Variants in PRDM2 observed in about 807,000 individuals in gnomAD.
PRDM2 encodes the protein PR/SET domain 2.
In PRDM2, 30 loss-of-function variants were observed where a neutral mutation model predicts 130.0. The observed-to-expected ratio is 0.23, with a 90% confidence interval of 0.17 to 0.31. PRDM2 has a LOEUF of 0.31. Among genes scored for constraint, PRDM2 ranks in the 10% least tolerant of loss-of-function variants. The pLI is 1.00. For synonymous variants in PRDM2, 871 were observed against 782.4 expected (o/e 1.11, Z -1.89); for missense variants, 2,011 against 2,108.4 (o/e 0.95, Z 0.90).
chr1:13,734,391 A>G (rs1161133549), intron 4 of PRDM2, among the ~76,000 whole-genome samples: 1 of 152,254 alleles, frequency 6.6e-6, no homozygotes, highest in Non-Finnish European at 1.5e-5. Context: ...TCAAGGAACC[A>G]GAAACTGCTT....
At chr1:13,704,129 TAAATA>T (rs1365706761) in intron 1 of PRDM2, among the ~76,000 whole-genome samples, 10 of 152,244 alleles carry the variant, frequency 6.6e-5, no homozygotes, top group Admixed American at 3.3e-4. Context: ...AATGTATTGA[TAAATA>T]AAACGTGAAA....
At position 13,777,252 on chromosome 1, in the gene PRDM2, C is replaced by T. The variant is rs1435061336; in HGVS notation, c.623-1166C>T. Among the ~76,000 whole-genome samples the T allele has an allele frequency of 2.6e-5, 4 of 152,124 alleles. No homozygotes were observed. In the East Asian group the frequency reaches 7.7e-4, roughly 29 times the overall value. On this transcript the variant is annotated intron_variant, in intron 7 of 9. Transcript: ENST00000311066. Reference sequence around the variant, plus strand: ...CACTTGTAGTCCCGCCCTGCTGCCACCCCTGTGCCACCATCCTGCCTCTCC... The same window carrying T: ...CACTTGTAGTCCCGCCCTGCTGCCATCCCTGTGCCACCATCCTGCCTCTCC...
intron 4 of PRDM2, among the ~76,000 whole-genome samples, chr1:13,739,136 T>G (rs1325920462): frequency 6.6e-6 from 1 of 151,918 alleles, no homozygotes; most frequent in East Asian, 1.9e-4. Flanking sequence ...AAGCTCTGCC[T>G]CCCGTGTTCA....
At chr1:13,808,414 A>C (rs545629201) in intron 8 of PRDM2, among the ~76,000 whole-genome samples, 1 of 148,640 alleles carries the variant, frequency 6.7e-6, no homozygotes, top group African/African-American at 2.5e-5. Flanking sequence ...CAGTGAGTGG[A>C]GATCGCACCA....
intron 8 of PRDM2, among the ~76,000 whole-genome samples, chr1:13,794,161 T>C (rs1390460007): frequency 6.6e-6 from 1 of 152,192 alleles, no homozygotes; most frequent in African/African-American, 2.4e-5. Flanking sequence ...TCTACTGTTT[T>C]CATGACAGGC....
intron 8 of PRDM2, among the ~76,000 whole-genome samples, chr1:13,808,026 C>T (rs1645111591): frequency 6.6e-6 from 1 of 152,146 alleles, no homozygotes. Context: ...AGAAATTTCC[C>T]TCCTAGAGTA....
Position 13,780,551 on chromosome 1 carries a change from T to TA in PRDM2, c.2757dup (p.Glu920ArgfsTer7). 1 of 1,614,156 alleles carries TA rather than the reference T, an allele frequency of 6.2e-7. No individual in the cohort carries two copies. The highest frequency in any genetic ancestry group is 8.5e-7 in the Non-Finnish European group (1 of 1,180,036). On this transcript the variant is annotated frameshift_variant, in exon 8 of 10. Transcript: ENST00000311066. LOFTEE classifies it high-confidence loss of function. ...AGGAGCCCAAGTCCTTGTAAATCCC[T>TA]AGAAGCTCAGCCAGATCCTGACCTC...
intron 9 of PRDM2, among the ~76,000 whole-genome samples, chr1:13,819,701 G>T (rs12081516): frequency 0.027 from 4,170 of 152,268 alleles, 189 homozygotes; most frequent in African/African-American, 0.094. Context: ...ACCAGATCAG[G>T]GTGCCACCAT....
At chr1:13,702,677 A>G (rs1417482504) in intron 1 of PRDM2, among the ~76,000 whole-genome samples, 1 of 152,176 alleles carries the variant, frequency 6.6e-6, no homozygotes, top group Non-Finnish European at 1.5e-5. Flanking sequence ...TTTCTTTTCA[A>G]GTTCCAAACC....
At chr1:13,724,526 C>T (rs1483718480) in intron 2 of PRDM2, among the ~76,000 whole-genome samples, 3 of 143,524 alleles carry the variant, frequency 2.1e-5, no homozygotes, top group Non-Finnish European at 3.0e-5. Flanking sequence ...GAGACAGGCT[C>T]ACTCTGTCCC....
intron 5 of PRDM2, among the ~76,000 whole-genome samples, chr1:13,746,710 C>T (rs1231812501): frequency 6.6e-6 from 1 of 152,120 alleles, no homozygotes; most frequent in Non-Finnish European, 1.5e-5. Context: ...GCACACACCA[C>T]CATGCCTTGC....
At chr1:13,710,113 T>C (rs1642323501) in intron 1 of PRDM2, among the ~76,000 whole-genome samples, 1 of 152,236 alleles carries the variant, frequency 6.6e-6, no homozygotes, top group African/African-American at 2.4e-5. Context: ...TTTTTACAAG[T>C]CCGTAAAGGG....
At chr1:13,716,437 A>G (rs1377876616) in intron 2 of PRDM2, among the ~76,000 whole-genome samples, 1 of 152,110 alleles carries the variant, frequency 6.6e-6, no homozygotes, top group African/African-American at 2.4e-5. Context: ...GTACCCTAAA[A>G]CTTAAAGTAT....
At chr1:13,802,295 G>C (rs548655717) in intron 8 of PRDM2, among the ~76,000 whole-genome samples, 6 of 152,252 alleles carry the variant, frequency 3.9e-5, no homozygotes, top group African/African-American at 1.4e-4. Flanking sequence ...TGTCAGCCAG[G>C]CACACCCAGG....
At chr1:13,776,848 C>T (rs943677658) in intron 7 of PRDM2, among the ~76,000 whole-genome samples, 1 of 152,156 alleles carries the variant, frequency 6.6e-6, no homozygotes. Flanking sequence ...ACACAATCCT[C>T]TCATCCCTCT....
intron 7 of PRDM2, among the ~76,000 whole-genome samples, chr1:13,775,888 G>A (rs1390918345): frequency 6.6e-6 from 1 of 152,088 alleles, no homozygotes; most frequent in Non-Finnish European, 1.5e-5. Context: ...CCCTGCAGCC[G>A]AATCTCCCAG....
intron 9 of PRDM2, among the ~76,000 whole-genome samples, chr1:13,818,425 C>G (rs1196142706): frequency 6.9e-6 from 1 of 145,702 alleles, no homozygotes; most frequent in Non-Finnish European, 1.5e-5. Flanking sequence ...TGTCGCCAGG[C>G]TGGAGTGCAG....
Position 13,779,596 on chromosome 1 carries a change from C to T in PRDM2, c.1801C>T (p.Leu601=). 8.7e-6 allele frequency: 14 copies of T among 1,614,032 alleles called. No homozygotes were observed. Among genetic ancestry groups the T allele is most frequent in the Non-Finnish European group, 1.2e-5 (14 of 1,179,950 alleles). The change falls in exon 8 of 10, where the codon CTG becomes TTG. Residue 601 remains leucine (L), a synonymous_variant. Coordinates refer to ENST00000311066, the MANE Select transcript of PRDM2 (RefSeq NM_001393986.1). The surrounding 1 kb of genome is among the most constrained non-coding windows in gnomAD (Gnocchi z 4.9). ...GGCAGATTTGTATGGTATAAATTGT[C>T]TGCTCACTCCAGTTACAGTGGAAAT... ...ASADLYGINC[L]LTPVTVEITQ... is the part of the protein sequence containing the mutation.
chr1:13,779,198 T>G lies in PRDM2; in HGVS notation c.1403T>G (p.Ile468Arg). ...TCAGAGAAGGCTTCCCAAGACACAATAAATTCTTCTGTCGTAGAAGAGAAT... is the reference window on the plus strand; with the variant it reads ...TCAGAGAAGGCTTCCCAAGACACAAGAAATTCTTCTGTCGTAGAAGAGAAT... The part of the protein sequence containing the change: ...MNSEKASQDT[I>R]NSSVVEENGE... Residue 468 changes from isoleucine (I) to arginine (R), a missense_variant, in exon 8 of 10, where the codon ATA becomes AGA. Ile to Arg is a moderately conservative substitution (Grantham distance 97). Around this residue, in one of 5 missense-constraint regions of PRDM2, gnomAD observed 1,288 missense variants for 1,237.7 expected, o/e 1.04. Transcript: ENST00000311066. The surrounding 1 kb of genome is among the most constrained non-coding windows in gnomAD (Gnocchi z 4.9). 1 of 1,614,142 alleles carries G rather than the reference T, an allele frequency of 6.2e-7. No individual in the cohort carries two copies. Among genetic ancestry groups the G allele is most frequent in the East Asian group, 2.2e-5 (1 of 44,882 alleles).
Sources: gnomAD v4.1 joint callset for allele counts (sites outside exome capture counted in the v4.1 genomes callset) on GRCh38, gnomAD v4.1.1 for gene constraint, gnomAD v4.1.1 regional missense constraint, Gnocchi (gnomAD v3.1) non-coding constraint, MANE v1.5 for transcripts, NCBI Gene and HGNC (gene_info 2026-07-23, HGNC 2026-07-21) for gene names.